CHCHD6: variants seen among roughly 807,000 people sequenced by gnomAD.
CHCHD6 encodes MICOS complex subunit MIC25.
A neutral mutation model predicts 32.3 loss-of-function variants in CHCHD6; 28 were observed. That is an observed-to-expected ratio of 0.87 (90% CI 0.64 to 1.19). CHCHD6 has a LOEUF of 1.19. CHCHD6 is among the 50% of genes most tolerant of loss of function. CHCHD6 has a pLI of 0.00. For missense variants in CHCHD6, 333 were observed against 307.0 expected (o/e 1.08, Z -0.63); for synonymous variants, 122 against 117.5 (o/e 1.04, Z -0.25).
At chr3:126,723,283 A>G (rs1036835548) in intron 1 of CHCHD6, among the ~76,000 whole-genome samples, 30 of 152,128 alleles carry the variant, frequency 2.0e-4, no homozygotes, top group African/African-American at 7.0e-4. Flanking sequence ...TGTTCATGGT[A>G]AAAAAATTAA....
chr3:126,851,709 G>A (rs962919817), intron 4 of CHCHD6, among the ~76,000 whole-genome samples: 1 of 152,248 alleles, frequency 6.6e-6, no homozygotes, highest in Non-Finnish European at 1.5e-5. Context: ...GGGGACATGA[G>A]TATCCCAGTG....
At chr3:126,705,509 C>G (rs192927538) in intron 1 of CHCHD6, among the ~76,000 whole-genome samples, 1 of 152,222 alleles carries the variant, frequency 6.6e-6, no homozygotes, top group Admixed American at 6.5e-5. Context: ...ACGAACTGAT[C>G]CAAGATCATG....
intron 1 of CHCHD6, among the ~76,000 whole-genome samples, chr3:126,715,172 A>G (rs115745939): frequency 0.012 from 1,808 of 152,136 alleles, 17 homozygotes; most frequent in Middle Eastern, 0.048. Flanking sequence ...CTTCTATGAA[A>G]AGGGTTACTT....
At chr3:126,707,871 G>A (rs1053127024) in intron 1 of CHCHD6, among the ~76,000 whole-genome samples, 13 of 152,226 alleles carry the variant, frequency 8.5e-5, no homozygotes, top group Non-Finnish European at 1.8e-4. Flanking sequence ...CCTCACCTCA[G>A]TGAATGTCCA....
chr3:126,867,360 A>G (rs1942322343), intron 5 of CHCHD6, among the ~76,000 whole-genome samples: 1 of 152,158 alleles, frequency 6.6e-6, no homozygotes, highest in Non-Finnish European at 1.5e-5. Flanking sequence ...AGCTACATGA[A>G]TATGCAGCAT....
chr3:126,723,579 A>T (rs552555614), intron 1 of CHCHD6, among the ~76,000 whole-genome samples: 1 of 152,318 alleles, frequency 6.6e-6, no homozygotes, highest in African/African-American at 2.4e-5. Context: ...AACAATCAGC[A>T]GTATATCTCA....
intron 4 of CHCHD6, among the ~76,000 whole-genome samples, chr3:126,733,614 G>A (rs1252742035): frequency 6.6e-6 from 1 of 152,152 alleles, no homozygotes; most frequent in South Asian, 2.1e-4. Flanking sequence ...GACAGGGAGG[G>A]CATCATCTTT....
At chr3:126,725,405 A>G (rs1935485159) in intron 1 of CHCHD6, among the ~76,000 whole-genome samples, 1 of 152,186 alleles carries the variant, frequency 6.6e-6, no homozygotes, top group South Asian at 2.1e-4. Context: ...TATTCAGTAA[A>G]ACATGTTGTA....
chr3:126,822,583 A>G lies in CHCHD6; in HGVS notation c.412-30064A>G, dbSNP rs1940196492. Among the ~76,000 whole-genome samples the G allele has an allele frequency of 5.3e-5, 8 of 152,290 alleles. No homozygotes were observed. In the South Asian group the frequency reaches 1.7e-3, roughly 32 times the overall value. ...AAATTTTCTATGGATTTTAGGATGGATTTTTCTATTTCTGAAAAACAAAAA... is the reference window on the plus strand; with the variant it reads ...AAATTTTCTATGGATTTTAGGATGGGTTTTTCTATTTCTGAAAAACAAAAA... On this transcript the variant is annotated intron_variant, in intron 4 of 7. Transcript: ENST00000290913.
At chr3:126,808,738 G>C (rs1331289732) in intron 4 of CHCHD6, among the ~76,000 whole-genome samples, 1 of 152,154 alleles carries the variant, frequency 6.6e-6, no homozygotes, top group Non-Finnish European at 1.5e-5. Flanking sequence ...GGACTGTAAA[G>C]TGGATACCTA....
chr3:126,758,709 T>C (rs964712335), intron 4 of CHCHD6, among the ~76,000 whole-genome samples: 8 of 152,218 alleles, frequency 5.3e-5, no homozygotes, highest in African/African-American at 1.9e-4. Context: ...GTGCAGTCTT[T>C]GAACTATAGG....
At chr3:126,860,248 T>C (rs1305539420) in intron 5 of CHCHD6, among the ~76,000 whole-genome samples, 3 of 152,168 alleles carry the variant, frequency 2.0e-5, no homozygotes, top group African/African-American at 7.2e-5. Context: ...AAAGCTTCCC[T>C]TGGGGAAGAG....
intron 4 of CHCHD6, among the ~76,000 whole-genome samples, chr3:126,798,778 G>T (rs527712850): frequency 6.6e-6 from 1 of 152,130 alleles, no homozygotes; most frequent in Non-Finnish European, 1.5e-5. Context: ...GTTGAATTTC[G>T]CAGGAATTGG....
intron 6 of CHCHD6, among the ~76,000 whole-genome samples, chr3:126,933,805 C>G (rs1482660635): frequency 6.6e-6 from 1 of 152,138 alleles, no homozygotes; most frequent in African/African-American, 2.4e-5. Flanking sequence ...TTTAAAACTT[C>G]TATAAGGAGT....
At chr3:126,724,604 T>C (rs138060878) in intron 1 of CHCHD6, among the ~76,000 whole-genome samples, 2 of 152,208 alleles carry the variant, frequency 1.3e-5, no homozygotes, top group East Asian at 1.9e-4. Flanking sequence ...ACAATGAAGT[T>C]TGCCACATCG....
intron 5 of CHCHD6, among the ~76,000 whole-genome samples, chr3:126,871,661 C>CTTTTTT (rs869191195): frequency 8.0e-6 from 1 of 125,140 alleles, no homozygotes. Context: ...GACCCCCCAA[C>CTTTTTT]TTTTTTTTTT....
chr3:126,911,486 A>C (rs886574505), intron 5 of CHCHD6, among the ~76,000 whole-genome samples: 1 of 152,214 alleles, frequency 6.6e-6, no homozygotes, highest in Non-Finnish European at 1.5e-5. Flanking sequence ...TCGAGTGCCA[A>C]GGGAGCTGCG....
intron 4 of CHCHD6, among the ~76,000 whole-genome samples, chr3:126,776,925 T>G (rs1471005620): frequency 6.6e-6 from 1 of 152,196 alleles, no homozygotes; most frequent in East Asian, 1.9e-4. Context: ...GCCACACTTC[T>G]AGAAAGTGCC....
At chr3:126,837,613 T>G (rs1278923123) in intron 4 of CHCHD6, among the ~76,000 whole-genome samples, 1 of 152,200 alleles carries the variant, frequency 6.6e-6, no homozygotes, top group Admixed American at 6.5e-5. Flanking sequence ...TTCACTAGGT[T>G]ATTGTATAAG....
Sources: gnomAD v4.1 joint callset for allele counts (sites outside exome capture counted in the v4.1 genomes callset) on GRCh38, gnomAD v4.1.1 for gene constraint, MANE v1.5 for transcripts, NCBI Gene and HGNC (gene_info 2026-07-23, HGNC 2026-07-21) for gene names.